The following VEPH1 variants were observed in gnomAD, a reference collection of about 807,000 sequenced individuals.
VEPH1 encodes the protein ventricular zone-expressed PH domain-containing protein homolog 1.
Under a neutral mutation model 85.2 loss-of-function variants are expected in VEPH1, and 80 were observed. The observed-to-expected ratio is 0.94, with a 90% CI of 0.78 to 1.13. The LOEUF is 1.13. Ranked by LOEUF, VEPH1 falls within the 50% of genes most tolerant of loss-of-function variation. VEPH1 has a pLI of 0.00. For synonymous variants in VEPH1, 297 were observed against 348.0 expected (o/e 0.85, Z 1.63); for missense variants, 955 against 980.5 (o/e 0.97, Z 0.35).
rs1038817184 is a variant in VEPH1 at position 157,483,426 on chromosome 3, T to A, written c.138+11786A>T. Among the ~76,000 whole-genome samples the A allele has an allele frequency of 2.6e-5, 4 of 152,086 alleles. No individual in the cohort carries two copies. The South Asian group carries it at 8.3e-4, about 32-fold the overall frequency. ...GGCAATATGAGCACATGTAAGCAGA[T>A]TAAACACAGAGCAGATTAGATATTT... On this transcript the variant is annotated intron_variant, in intron 2 of 13. Transcript: ENST00000362010.
At chr3:157,280,242 G>C (rs1163474209) in intron 12 of VEPH1, among the ~76,000 whole-genome samples, 1 of 151,958 alleles carries the variant, frequency 6.6e-6, no homozygotes, top group East Asian at 1.9e-4. Context: ...GTATGATGAT[G>C]AAACTAATGT....
At chr3:157,410,120 A>G (rs1249877927) in intron 6 of VEPH1, among the ~76,000 whole-genome samples, 1 of 152,162 alleles carries the variant, frequency 6.6e-6, no homozygotes, top group Non-Finnish European at 1.5e-5. Flanking sequence ...TAAACCCAAC[A>G]GACAGGACCA....
intron 11 of VEPH1, among the ~76,000 whole-genome samples, chr3:157,305,787 G>A (rs1212201318): frequency 6.6e-6 from 1 of 152,100 alleles, no homozygotes. Flanking sequence ...TGTTAAAAAG[G>A]GTAACTTATT....
intron 9 of VEPH1, among the ~76,000 whole-genome samples, chr3:157,349,450 G>A (rs1243894078): frequency 6.6e-6 from 1 of 152,104 alleles, no homozygotes; most frequent in East Asian, 1.9e-4. Flanking sequence ...AAAACTGAAA[G>A]CATTTTCTTT....
intron 6 of VEPH1, among the ~76,000 whole-genome samples, chr3:157,395,040 T>C (rs889635969): frequency 6.6e-6 from 1 of 152,202 alleles, no homozygotes; most frequent in Non-Finnish European, 1.5e-5. Flanking sequence ...TCAAGCCAGC[T>C]GCTTCAGGAT....
intron 9 of VEPH1, among the ~76,000 whole-genome samples, chr3:157,340,602 G>A (rs1723440240): frequency 2.0e-5 from 3 of 152,152 alleles, no homozygotes. Flanking sequence ...CTGGAGGCAG[G>A]GCATAGCTGA....
intron 6 of VEPH1, among the ~76,000 whole-genome samples, chr3:157,392,075 T>A (rs570168525): frequency 6.6e-6 from 1 of 152,252 alleles, no homozygotes; most frequent in East Asian, 1.9e-4. Context: ...GAAGAGATCC[T>A]TAAGGGAGTT....
intron 3 of VEPH1, among the ~76,000 whole-genome samples, chr3:157,465,515 C>T (rs1283926453): frequency 6.6e-6 from 1 of 152,170 alleles, no homozygotes; most frequent in Admixed American, 6.5e-5. Context: ...CAATTAAGGC[C>T]TGGAAAGATT....
intron 6 of VEPH1, among the ~76,000 whole-genome samples, chr3:157,397,916 G>A (rs1730538635): frequency 6.6e-6 from 1 of 152,108 alleles, no homozygotes; most frequent in Non-Finnish European, 1.5e-5. Context: ...TGTCCTTCAG[G>A]CATGTCCCAG....
intron 6 of VEPH1, chr3:157,409,918 A>T: frequency 1.0e-6 from 1 of 985,412 alleles, no homozygotes; most frequent in Non-Finnish European, 1.2e-6. Flanking sequence ...GCTGGAAACC[A>T]GAAAACAAAG....
rs768221097 is a variant in VEPH1 at position 157,261,348 on chromosome 3, G to A, written c.2288C>T (p.Pro763Leu). ...ACTCTGTACTTTGCTGAGTTCTATT[G>A]GGCAGTCGTCAGGGTCATCTTTCTG... ...GKSKDDPDDC[P>L]IELSKVQSVK... is the part of the protein sequence containing the mutation. Residue 763 changes from proline (P) to leucine (L), a missense_variant, in exon 14 of 14, where the codon CCA becomes CTA. Physicochemically the swap from Pro to Leu is moderately conservative, Grantham distance 98. Coordinates refer to ENST00000362010, the MANE Select transcript of VEPH1 (RefSeq NM_001167912.2). 1.2e-6 allele frequency: 2 copies of A among 1,613,516 alleles called. No homozygotes were observed. The highest frequency in any genetic ancestry group is 3.3e-5 in the Admixed American group (2 of 59,954).
chr3:157,446,646 G>A (rs1734577219), intron 4 of VEPH1, among the ~76,000 whole-genome samples: 1 of 152,104 alleles, frequency 6.6e-6, no homozygotes, highest in Non-Finnish European at 1.5e-5. Flanking sequence ...TTTTACTAAG[G>A]CCAAATGTTT....
chr3:157,479,707 T>G (rs1163171922), intron 2 of VEPH1, among the ~76,000 whole-genome samples: 2 of 152,202 alleles, frequency 1.3e-5, no homozygotes, highest in Non-Finnish European at 2.9e-5. Flanking sequence ...AGGGCTCGGC[T>G]CTGCTTTTAC....
chr3:157,335,444 A>T (rs1577367717), intron 9 of VEPH1, among the ~76,000 whole-genome samples: 1 of 152,180 alleles, frequency 6.6e-6, no homozygotes, highest in Non-Finnish European at 1.5e-5. Flanking sequence ...AGGAATGTGC[A>T]TGGGATAAGG....
intron 7 of VEPH1, among the ~76,000 whole-genome samples, chr3:157,376,534 G>C (rs1233585869): frequency 6.6e-6 from 1 of 152,180 alleles, no homozygotes; most frequent in Non-Finnish European, 1.5e-5. Flanking sequence ...GTACCCTTTT[G>C]CTTCTTCAGA....
intron 1 of VEPH1, among the ~76,000 whole-genome samples, chr3:157,500,808 A>G (rs182631107): frequency 6.6e-6 from 1 of 152,232 alleles, no homozygotes; most frequent in East Asian, 1.9e-4. Context: ...GAGTGATAAG[A>G]GTATGGGAAT....
intron 4 of VEPH1, among the ~76,000 whole-genome samples, chr3:157,458,644 A>C (rs1363076826): frequency 6.6e-6 from 1 of 152,124 alleles, no homozygotes; most frequent in Non-Finnish European, 1.5e-5. Context: ...CCCACTTGTC[A>C]GTTTTTGTTT....
At chr3:157,314,329 T>TTA (rs1720483555) in intron 10 of VEPH1, among the ~76,000 whole-genome samples, 1 of 6,344 alleles carries the variant, frequency 1.6e-4, no homozygotes, top group Admixed American at 3.2e-3. Context: ...GGAGGATCCG[T>TTA]CAAAAAAAAA....
intron 3 of VEPH1, 29 bp downstream of exon 3, chr3:157,470,285 A>G (rs1295815107): frequency 1.7e-5 from 28 of 1,608,756 alleles, no homozygotes; most frequent in Non-Finnish European, 2.3e-5. Context: ...ACTCAGTATC[A>G]AATAGCCTGA....
Sources: allele counts gnomAD v4.1 joint callset (sites outside exome capture counted in the v4.1 genomes callset), GRCh38; gene constraint gnomAD v4.1.1; transcripts MANE v1.5; gene names NCBI Gene and HGNC (gene_info 2026-07-23, HGNC 2026-07-21).